ROBO2: variants seen among roughly 807,000 people sequenced by gnomAD.
ROBO2 encodes roundabout homolog 2.
A neutral mutation model predicts 160.8 loss-of-function variants in ROBO2; 53 were observed. The observed-to-expected ratio is 0.33, with a 90% confidence interval of 0.26 to 0.41. The LOEUF is 0.41. Among genes scored for constraint, ROBO2 ranks in the 10% least tolerant of loss-of-function variants. ROBO2 has a pLI of 1.00. For synonymous variants in ROBO2, 664 were observed against 611.7 expected (o/e 1.09, Z -1.26); for missense variants, 1,577 against 1,722.4 (o/e 0.92, Z 1.49).
At chr3:77,359,499 A>G (rs1467507654) in intron 2 of ROBO2, among the ~76,000 whole-genome samples, 1 of 152,156 alleles carries the variant, frequency 6.6e-6, no homozygotes, top group African/African-American at 2.4e-5. Context: ...TTTCCAGAGT[A>G]CTTGCAATCA....
intron 5 of ROBO2, among the ~76,000 whole-genome samples, chr3:77,503,848 T>A (rs758138891): frequency 6.6e-6 from 1 of 152,198 alleles, no homozygotes; most frequent in East Asian, 1.9e-4. Flanking sequence ...TAAAAAAGAA[T>A]AATTTCTGAG....
At chr3:76,855,836 T>C (rs2070004149) in intron 2 of ROBO2, among the ~76,000 whole-genome samples, 1 of 152,214 alleles carries the variant, frequency 6.6e-6, no homozygotes, top group Admixed American at 6.5e-5. Flanking sequence ...ATCAAACAAC[T>C]AATTTATAAA....
intron 1 of ROBO2, chr3:75,937,410 T>C: frequency 1.3e-6 from 1 of 754,250 alleles, no homozygotes; most frequent in South Asian, 3.0e-5. Flanking sequence ...AGATATGGGA[T>C]TTGAGTCGTA....
chr3:77,164,488 G>T (rs1579535692), intron 2 of ROBO2, among the ~76,000 whole-genome samples: 1 of 141,490 alleles, frequency 7.1e-6, no homozygotes, highest in Non-Finnish European at 1.6e-5. Flanking sequence ...AGGGAGGTGG[G>T]GGGGTCAGCC....
At chr3:76,086,635 A>G (rs150411719) in intron 2 of ROBO2, among the ~76,000 whole-genome samples, 83 of 152,292 alleles carry the variant, frequency 5.5e-4, no homozygotes, top group Admixed American at 2.4e-3. Flanking sequence ...TCTTCCTTTC[A>G]ACAAAATATT....
intron 2 of ROBO2, among the ~76,000 whole-genome samples, chr3:76,833,498 CAG>C (rs2067261002): frequency 6.6e-6 from 1 of 152,146 alleles, no homozygotes; most frequent in Admixed American, 6.6e-5. Context: ...TATGAGGAAA[CAG>C]AGTGAAGTCA....
chr3:75,934,517 G>A (rs80186855), intron 1 of ROBO2, among the ~76,000 whole-genome samples: 4 of 152,064 alleles, frequency 2.6e-5, no homozygotes, highest in African/African-American at 4.8e-5. Flanking sequence ...AATGAATTGA[G>A]TTTACTTTTC....
intron 2 of ROBO2, among the ~76,000 whole-genome samples, chr3:77,367,359 C>T (rs995782688): frequency 2.0e-5 from 3 of 152,002 alleles, no homozygotes; most frequent in African/African-American, 7.3e-5. Flanking sequence ...TGCAAGTGTC[C>T]TTGGAGTACG....
rs1237841835 is a variant in ROBO2, at chr3:77,574,767, T to A, written c.2203+37T>A. The A allele has an allele frequency of 3.4e-6, 5 of 1,486,202 alleles. No individual in the cohort carries two copies. In the South Asian group the frequency reaches 5.7e-5, roughly 17 times the overall value. 92.1% of individuals were successfully genotyped at this position (1,486,202 alleles called of 1,614,324 possible). On this transcript the variant is annotated intron_variant, in intron 14 of 25. Transcript: ENST00000461745. ...GATTTCGAATATAAATCAAACATGATGAAACCAATTTCTGTTACAGTACCT... is the reference window on the plus strand; with the variant it reads ...GATTTCGAATATAAATCAAACATGAAGAAACCAATTTCTGTTACAGTACCT...
At chr3:77,098,445 A>T in intron 2 of ROBO2, 105 bp downstream of exon 2, 1 of 1,151,016 alleles carries the variant, frequency 8.7e-7, no homozygotes, top group Non-Finnish European at 1.3e-6. Context: ...CAATCAACAC[A>T]CTGCATAATT....
chr3:76,051,876 T>C (rs1331220213), intron 2 of ROBO2, among the ~76,000 whole-genome samples: 1 of 152,008 alleles, frequency 6.6e-6, no homozygotes, highest in Non-Finnish European at 1.5e-5. Context: ...CTCAGCTTAT[T>C]TAGAGTTTTG....
In ROBO2 at chr3:76,331,172, T is replaced by G. The variant is rs568892055; in HGVS notation, c.109+393570T>G. Among the ~76,000 whole-genome samples, 11 of 152,302 alleles carry G rather than the reference T, an allele frequency of 7.2e-5. 1 individual carries two copies. Among genetic ancestry groups the G allele is most frequent in the Middle Eastern group, 3.4e-3 (1 of 294 alleles). Reference sequence around the variant, plus strand: ...TAACAAAGTAAATATTAAGCAAGTTTTCTAAGATTAAAGTTAGAATGTAGT... The same window carrying G: ...TAACAAAGTAAATATTAAGCAAGTTGTCTAAGATTAAAGTTAGAATGTAGT... On this transcript the variant is annotated intron_variant, in intron 2 of 26. Transcript: ENST00000487694.
At chr3:75,973,534 C>A (rs1294362031) in intron 2 of ROBO2, among the ~76,000 whole-genome samples, 1 of 151,142 alleles carries the variant, frequency 6.6e-6, no homozygotes, top group Non-Finnish European at 1.5e-5. Flanking sequence ...AGACCTTGCA[C>A]CAAAAATAAA....
chr3:77,615,780 T>A (rs1394252267), intron 21 of ROBO2, among the ~76,000 whole-genome samples: 1 of 152,166 alleles, frequency 6.6e-6, no homozygotes, highest in Non-Finnish European at 1.5e-5. Flanking sequence ...CAAGTATGAA[T>A]AACACCAATA....
intron 2 of ROBO2, among the ~76,000 whole-genome samples, chr3:76,078,961 T>C (rs1415364668): frequency 1.3e-5 from 2 of 152,192 alleles, no homozygotes; most frequent in Non-Finnish European, 2.9e-5. Flanking sequence ...TAGCTCATTG[T>C]AGTCTTGATT....
chr3:76,583,787 C>T (rs1473870884), intron 2 of ROBO2, among the ~76,000 whole-genome samples: 1 of 152,100 alleles, frequency 6.6e-6, no homozygotes, highest in African/African-American at 2.4e-5. Flanking sequence ...CTACTATAAC[C>T]CATATGCCTT....
At chr3:77,169,846 C>T (rs749975177) in intron 2 of ROBO2, among the ~76,000 whole-genome samples, 1 of 152,086 alleles carries the variant, frequency 6.6e-6, no homozygotes, top group Non-Finnish European at 1.5e-5. Context: ...ACACCGTTCC[C>T]CACCAAGGGG....
At chr3:76,517,857 C>A (rs1334910654) in intron 2 of ROBO2, among the ~76,000 whole-genome samples, 1 of 152,086 alleles carries the variant, frequency 6.6e-6, no homozygotes, top group Admixed American at 6.5e-5. Flanking sequence ...GAGAACAGAA[C>A]ATATTCACAT....
intron 2 of ROBO2, among the ~76,000 whole-genome samples, chr3:76,531,060 G>A (rs994276455): frequency 2.6e-5 from 4 of 152,064 alleles, no homozygotes; most frequent in Non-Finnish European, 4.4e-5. Context: ...TAGATTTTGA[G>A]GTTTTTGAAG....
Sources: allele counts gnomAD v4.1 joint callset (sites outside exome capture counted in the v4.1 genomes callset), GRCh38; gene constraint gnomAD v4.1.1; transcripts MANE v1.5; gene names NCBI Gene and HGNC (gene_info 2026-07-23, HGNC 2026-07-21).